COX7B2: variants seen among roughly 807,000 people sequenced by gnomAD.
COX7B2 encodes cytochrome c oxidase subunit 7B2, mitochondrial.
For missense variants in COX7B2, 109 were observed against 95.9 expected, an observed-to-expected ratio of 1.14 and a Z score of -0.57; for synonymous variants, 37 against 32.1, an observed-to-expected ratio of 1.15 and a Z score of -0.51.
At position 46,852,400 on chromosome 4, in the gene COX7B2, C is replaced by T. The variant is rs945266361; in HGVS notation, c.-104-7386G>A. Reference sequence around the variant, plus strand: ...TAATTAGCACTTTTCTTGCCCTAACCCTGAAATCAACTACTTCTCTAAGGA... The same window carrying T: ...TAATTAGCACTTTTCTTGCCCTAACTCTGAAATCAACTACTTCTCTAAGGA... On this transcript the variant is annotated intron_variant, in intron 1 of 2. Transcript: ENST00000355591. 2.0e-5 allele frequency among the ~76,000 whole-genome samples: 3 copies of T among 151,958 alleles called. No homozygotes were observed. The South Asian group carries it at 6.2e-4, about 32-fold the overall frequency.
intron 1 of COX7B2, among the ~76,000 whole-genome samples, chr4:46,902,127 G>A (rs539825386): frequency 1.7e-4 from 26 of 152,178 alleles, no homozygotes; most frequent in South Asian, 1.2e-3. Context: ...ATATTATACA[G>A]ATCTTCCCAC....
intron 2 of COX7B2, among the ~76,000 whole-genome samples, chr4:46,802,609 A>G (rs911731176): frequency 6.6e-6 from 1 of 152,122 alleles, no homozygotes; most frequent in Non-Finnish European, 1.5e-5. Flanking sequence ...CAAAGAATCA[A>G]TGACAGTACT....
chr4:46,779,992 C>A (rs1029889191), intron 2 of COX7B2, among the ~76,000 whole-genome samples: 35 of 152,230 alleles, frequency 2.3e-4, no homozygotes, highest in East Asian at 1.9e-4. Context: ...AGACCATCAA[C>A]ATGTTAATTT....
intron 2 of COX7B2, among the ~76,000 whole-genome samples, chr4:46,748,016 G>A (rs1211775084): frequency 6.6e-6 from 1 of 152,090 alleles, no homozygotes; most frequent in African/African-American, 2.4e-5. Flanking sequence ...TATCTAAAGT[G>A]GAGCCATTTA....
At chr4:46,767,163 C>A (rs1309557404) in intron 2 of COX7B2, among the ~76,000 whole-genome samples, 2 of 152,100 alleles carry the variant, frequency 1.3e-5, no homozygotes. Context: ...TGGAGAGATG[C>A]AAAAAGATAT....
intron 2 of COX7B2, among the ~76,000 whole-genome samples, chr4:46,792,546 G>A (rs534999146): frequency 6.6e-5 from 10 of 152,224 alleles, no homozygotes; most frequent in South Asian, 6.2e-4. Flanking sequence ...CTCCTGCCCC[G>A]GGACTGAGGC....
intron 2 of COX7B2, among the ~76,000 whole-genome samples, chr4:46,794,519 A>G (rs868406646): frequency 1.7e-4 from 26 of 152,130 alleles, no homozygotes; most frequent in Admixed American, 7.2e-4. Context: ...GACTTTCACC[A>G]ATACTATGAG....
chr4:46,760,128 C>T lies in COX7B2; in HGVS notation c.-49-24887G>A, dbSNP rs113863778. ...TGGAAGGAAAAGGAGATTAGTTCAA[C>T]CATTGTGGAAGACAGTGTGGCGATT... On this transcript the variant is annotated intron_variant, in intron 2 of 2. Transcript: ENST00000355591. Among the ~76,000 whole-genome samples, 859 of 152,096 alleles carry T rather than the reference C, an allele frequency of 5.6e-3. 7 individuals carry two copies. The highest frequency in any genetic ancestry group is 0.019 in the African/African-American group (799 of 41,526).
At chr4:46,809,199 C>A (rs976479488) in intron 2 of COX7B2, among the ~76,000 whole-genome samples, 1 of 151,560 alleles carries the variant, frequency 6.6e-6, no homozygotes, top group Non-Finnish European at 1.5e-5. Context: ...TCATTTAAGT[C>A]TTTTTTATGA....
At position 46,781,211 on chromosome 4, in the gene COX7B2, G is replaced by C. The variant is rs914124461; in HGVS notation, c.-49-45970C>G. On this transcript the variant is annotated intron_variant, in intron 2 of 2. Transcript: ENST00000355591. ...AGAAAGCAAAAATGTAGCTACTACA[G>C]TTCTGCTCTGGACTTTATACCATTT... 2.6e-5 allele frequency among the ~76,000 whole-genome samples: 4 copies of C among 152,268 alleles called. No individual in the cohort carries two copies. The South Asian group carries it at 6.2e-4, about 24-fold the overall frequency.
chr4:46,870,640 G>C (rs1717932185), intron 1 of COX7B2, among the ~76,000 whole-genome samples: 1 of 151,926 alleles, frequency 6.6e-6, no homozygotes, highest in Admixed American at 6.6e-5. Flanking sequence ...CAAGCTTCAG[G>C]ATACAAAATC....
At chr4:46,779,494 T>C (rs1717326851) in intron 2 of COX7B2, among the ~76,000 whole-genome samples, 1 of 152,186 alleles carries the variant, frequency 6.6e-6, no homozygotes. Context: ...GGTGCAGATA[T>C]TTAATATCTT....
intron 1 of COX7B2, among the ~76,000 whole-genome samples, chr4:46,861,525 C>T (rs1479963927): frequency 2.6e-5 from 4 of 151,904 alleles, no homozygotes; most frequent in Non-Finnish European, 5.9e-5. Flanking sequence ...AATTAGAAGG[C>T]TTAAAAAAAA....
chr4:46,801,698 A>G (rs900272287), intron 2 of COX7B2, among the ~76,000 whole-genome samples: 2 of 152,186 alleles, frequency 1.3e-5, no homozygotes, highest in Non-Finnish European at 2.9e-5. Context: ...AAACTTGCAC[A>G]TGTATCCCCT....
intron 1 of COX7B2, among the ~76,000 whole-genome samples, chr4:46,860,125 G>A (rs1030499317): frequency 4.6e-5 from 7 of 152,184 alleles, no homozygotes; most frequent in Non-Finnish European, 8.8e-5. Context: ...GAGTTGGTAA[G>A]ATGGTGAGAT....
chr4:46,804,940 G>A (rs866927172), intron 2 of COX7B2, among the ~76,000 whole-genome samples: 11 of 152,294 alleles, frequency 7.2e-5, no homozygotes, highest in South Asian at 2.1e-4. Context: ...TAGGGGGGGC[G>A]GTGCTCAGGC....
At chr4:46,773,408 G>C (rs939436039) in intron 2 of COX7B2, among the ~76,000 whole-genome samples, 2 of 152,098 alleles carry the variant, frequency 1.3e-5, no homozygotes, top group Non-Finnish European at 2.9e-5. Context: ...AAGAAGACGT[G>C]TTTGCTTCCC....
At chr4:46,811,725 G>A (rs1719294745) in intron 2 of COX7B2, among the ~76,000 whole-genome samples, 1 of 152,118 alleles carries the variant, frequency 6.6e-6, no homozygotes, top group Admixed American at 6.6e-5. Flanking sequence ...TTGTGTCTCT[G>A]AATTGATGTC....
intron 2 of COX7B2, among the ~76,000 whole-genome samples, chr4:46,770,705 T>A (rs536150173): frequency 3.4e-4 from 52 of 152,072 alleles, no homozygotes; most frequent in Admixed American, 9.8e-4. Context: ...CCAACAAAAG[T>A]ATCAATCACA....
Sources: allele counts gnomAD v4.1 joint callset (sites outside exome capture counted in the v4.1 genomes callset), GRCh38; gene constraint gnomAD v4.1.1; transcripts MANE v1.5; gene names NCBI Gene and HGNC (gene_info 2026-07-23, HGNC 2026-07-21).